The following IL1RAPL2 variants were observed in gnomAD, a reference collection of about 807,000 sequenced individuals.
The protein encoded by IL1RAPL2 is interleukin 1 receptor accessory protein like 2.
In IL1RAPL2, 3 loss-of-function variants were observed where a neutral mutation model predicts 44.1. The ratio of observed to expected loss-of-function variants is 0.07; its 90% confidence interval spans 0.03 to 0.18. The LOEUF (loss-of-function observed/expected upper bound fraction) is 0.18. IL1RAPL2 is among the 10% of genes least tolerant of loss of function. IL1RAPL2 has a pLI of 1.00. For synonymous variants in IL1RAPL2, 181 were observed against 178.8 expected (o/e 1.01, Z -0.10); for missense variants, 391 against 496.4 (o/e 0.79, Z 2.02).
rs764830294 is a variant in IL1RAPL2, at chrX:105,675,460, C to T, written c.773-41907C>T. Among the ~76,000 whole-genome samples the T allele has an allele frequency of 2.8e-3, 314 of 111,714 alleles. 2 individuals carry two copies. The highest frequency in any genetic ancestry group is 9.4e-3 in the African/African-American group (291 of 30,808). ...TTAGATCTATTTATGTGATGAATTA[C>T]GTTTATTGATTTGCATATATTGAAC... On this transcript the variant is annotated intron_variant, in intron 6 of 10. Coordinates refer to ENST00000372582, the MANE Select transcript of IL1RAPL2 (RefSeq NM_017416.2).
intron 5 of IL1RAPL2, among the ~76,000 whole-genome samples, chrX:105,272,414 A>G (rs1425056564): frequency 8.9e-6 from 1 of 112,234 alleles, no homozygotes; most frequent in Non-Finnish European, 1.9e-5. Context: ...ATTCAGAAAT[A>G]CATGCTTTTA....
intron 6 of IL1RAPL2, among the ~76,000 whole-genome samples, chrX:105,547,225 C>T (rs1326800817): frequency 4.5e-5 from 5 of 112,094 alleles, no homozygotes; most frequent in Non-Finnish European, 7.5e-5. Context: ...ATCTTTAATT[C>T]GGAAATGTAT....
chrX:104,651,914 G>C (rs965421917), intron 1 of IL1RAPL2, among the ~76,000 whole-genome samples: 1 of 111,319 alleles, frequency 9.0e-6, no homozygotes, highest in Non-Finnish European at 1.9e-5. Context: ...TTTCAGTCTT[G>C]GTTTGGGGTC....
intron 2 of IL1RAPL2, among the ~76,000 whole-genome samples, chrX:104,827,327 C>CA (rs1921481677): frequency 9.0e-6 from 1 of 111,060 alleles, no homozygotes; most frequent in Non-Finnish European, 1.9e-5. Flanking sequence ...CTGGTGGTGA[C>CA]AAAATCCCTC....
intron 6 of IL1RAPL2, among the ~76,000 whole-genome samples, chrX:105,548,539 A>G (rs1331476864): frequency 1.8e-5 from 2 of 112,083 alleles, no homozygotes; most frequent in Non-Finnish European, 3.8e-5. Flanking sequence ...TGTTGGAGAA[A>G]TAGGCAGCAA....
intron 3 of IL1RAPL2, among the ~76,000 whole-genome samples, chrX:105,208,722 G>A (rs1024051864): frequency 8.9e-6 from 1 of 111,893 alleles, no homozygotes; most frequent in Non-Finnish European, 1.9e-5. Context: ...TGAGTATAGA[G>A]ATATAGTATA....
intron 5 of IL1RAPL2, among the ~76,000 whole-genome samples, chrX:105,390,653 TA>T (rs2147729747): frequency 9.0e-6 from 1 of 110,919 alleles, no homozygotes; most frequent in East Asian, 2.8e-4. Flanking sequence ...CCCACTGTCT[TA>T]AGGACCTTTA....
chrX:105,767,445 G>A lies in IL1RAPL2; in HGVS notation c.1845G>A (p.Arg615=), dbSNP rs780141802. The change falls in exon 11 of 11, where the codon AGG becomes AGA. Residue 615 remains arginine, a synonymous_variant. Transcript: ENST00000372582. The stretch of plus-strand genomic sequence containing the variant: ...ACCCTTCAGATTCAATGCAAATCAG[G>A]CACTGTTGCAGAGGTTATAAACATG... ...EFHPSDSMQI[R]HCCRGYKHEI... is the part of the protein sequence containing the mutation. The A allele has an allele frequency of 5.0e-6, 6 of 1,210,812 alleles. No individual in the cohort carries two copies. The South Asian group carries it at 8.8e-5, about 18-fold the overall frequency.
At chrX:105,277,491 C>T (rs1490492653) in intron 5 of IL1RAPL2, among the ~76,000 whole-genome samples, 1 of 111,304 alleles carries the variant, frequency 9.0e-6, no homozygotes, top group Non-Finnish European at 1.9e-5. Context: ...TGTCTCTTAT[C>T]TGCCTCTTTT....
intron 2 of IL1RAPL2, among the ~76,000 whole-genome samples, chrX:104,909,638 C>T (rs772764115): frequency 7.2e-5 from 8 of 111,848 alleles, no homozygotes; most frequent in African/African-American, 2.3e-4. Flanking sequence ...TTGGGGGGTG[C>T]CTCCCAGTTA....
At chrX:104,792,043 C>A (rs1932828916) in intron 2 of IL1RAPL2, among the ~76,000 whole-genome samples, 1 of 110,925 alleles carries the variant, frequency 9.0e-6, no homozygotes, top group African/African-American at 3.3e-5. Flanking sequence ...ATTAGGAAGG[C>A]CCCTATGGTC....
At chrX:105,026,839 C>G (rs1337835711) in intron 2 of IL1RAPL2, among the ~76,000 whole-genome samples, 1 of 93,748 alleles carries the variant, frequency 1.1e-5, no homozygotes, top group Non-Finnish European at 2.1e-5. Flanking sequence ...GAAAAAAAAT[C>G]CTAAAATTTA....
At chrX:105,157,976 T>A (rs1400081317) in intron 2 of IL1RAPL2, among the ~76,000 whole-genome samples, 1 of 110,971 alleles carries the variant, frequency 9.0e-6, no homozygotes, top group Non-Finnish European at 1.9e-5. Flanking sequence ...AAAAAAAGAG[T>A]AGAACTATGG....
intron 2 of IL1RAPL2, among the ~76,000 whole-genome samples, chrX:104,731,781 C>T (rs1170545000): frequency 8.9e-6 from 1 of 111,756 alleles, no homozygotes; most frequent in African/African-American, 3.3e-5. Flanking sequence ...GTTAAACAGA[C>T]TTGATTTAAT....
At chrX:105,439,572 T>C (rs1256513036) in intron 5 of IL1RAPL2, among the ~76,000 whole-genome samples, 1 of 99,506 alleles carries the variant, frequency 1.0e-5, no homozygotes, top group African/African-American at 3.8e-5. Context: ...GAAAAAATGA[T>C]ACTAAGGAGA....
At chrX:105,720,538 C>T (rs912056218) in intron 7 of IL1RAPL2, among the ~76,000 whole-genome samples, 2 of 111,358 alleles carry the variant, frequency 1.8e-5, no homozygotes, top group Admixed American at 9.5e-5. Context: ...ATAGTTCATA[C>T]CATTTTTATT....
chrX:104,620,669 A>AAAAAAAAAAAG (rs1929374994), intron 1 of IL1RAPL2, among the ~76,000 whole-genome samples: 1 of 102,390 alleles, frequency 9.8e-6, no homozygotes, highest in East Asian at 3.0e-4. Context: ...AAAAAAAAAA[A>AAAAAAAAAAAG]AGAGATGGTA....
intron 5 of IL1RAPL2, chrX:105,406,639 A>G: frequency 8.7e-7 from 1 of 1,148,637 alleles, no homozygotes; most frequent in East Asian, 3.0e-5. Context: ...GCACAGGCAA[A>G]TCTTTGCTGT....
intron 2 of IL1RAPL2, among the ~76,000 whole-genome samples, chrX:104,977,983 G>A (rs1290681057): frequency 9.0e-6 from 1 of 111,561 alleles, no homozygotes; most frequent in Non-Finnish European, 1.9e-5. Context: ...CATGGCACTG[G>A]TGGGCATGTC....
Sources: gnomAD v4.1 joint callset for allele counts (sites outside exome capture counted in the v4.1 genomes callset) on GRCh38, gnomAD v4.1.1 for gene constraint, MANE v1.5 for transcripts, NCBI Gene and HGNC (gene_info 2026-07-23, HGNC 2026-07-21) for gene names.